IQCH: variants seen among roughly 807,000 people sequenced by gnomAD.
IQCH encodes the protein IQ motif containing H, also known as IQ domain-containing protein H.
IQCH carries 98 observed loss-of-function variants against 117.0 expected under a neutral mutation model. The observed-to-expected ratio is 0.84, with a 90% CI of 0.71 to 0.99. The LOEUF (loss-of-function observed/expected upper bound fraction) is 0.99, where lower values mean the gene tolerates loss of function less well. Among genes scored for constraint, IQCH ranks in the 50% least tolerant of loss-of-function variants. The pLI is 0.00. For synonymous variants in IQCH, 412 were observed against 448.2 expected (o/e 0.92, Z 1.02); for missense variants, 1,102 against 1,243.8 (o/e 0.89, Z 1.72).
chr15:67,302,413 A>T (rs1251066191), intron 4 of IQCH, among the ~76,000 whole-genome samples: 2 of 152,198 alleles, frequency 1.3e-5, no homozygotes, highest in Non-Finnish European at 2.9e-5. Flanking sequence ...TACCCACAGA[A>T]GAAAAGCCAT....
chr15:67,256,377 C>T (rs1244794187), intron 1 of IQCH, among the ~76,000 whole-genome samples: 1 of 152,186 alleles, frequency 6.6e-6, no homozygotes, highest in Admixed American at 6.5e-5. Context: ...CAATCTCACA[C>T]TGCCCTTGTG....
At chr15:67,340,776 T>G (rs2140672856) in intron 5 of IQCH, among the ~76,000 whole-genome samples, 1 of 152,358 alleles carries the variant, frequency 6.6e-6, no homozygotes, top group East Asian at 1.9e-4. Context: ...CTTTATGATC[T>G]AATTTATTAA....
At chr15:67,435,790 T>C (rs2082123260) in intron 16 of IQCH, among the ~76,000 whole-genome samples, 1 of 151,846 alleles carries the variant, frequency 6.6e-6, no homozygotes, top group Admixed American at 6.6e-5. Flanking sequence ...GAGAATCTCT[T>C]GAACCCAGGA....
rs1267398592 is a variant in IQCH, at chr15:67,466,910, C to T, written c.2676+1613C>T. On this transcript the variant is annotated intron_variant, in intron 17 of 20. Coordinates refer to ENST00000335894, the MANE Select transcript of IQCH (RefSeq NM_001031715.3). The surrounding 1 kb of genome is among the most constrained non-coding windows in gnomAD (Gnocchi z 4.4). ...ACTTGAGCCCTTCTGGCCAGTGAAC[C>T]TAAGTCTATGCCATTTCTGCAAGAA... The T allele has an allele frequency of 2.1e-4, 32 of 152,536 alleles. No individual in the cohort carries two copies. Among genetic ancestry groups the T allele is most frequent in the Admixed American group, 2.0e-3 (30 of 15,286 alleles). 9.4% of individuals were successfully genotyped at this position (152,536 alleles called of 1,614,324 possible).
intron 2 of IQCH, among the ~76,000 whole-genome samples, chr15:67,262,594 G>T (rs1221299716): frequency 6.6e-6 from 1 of 152,066 alleles, no homozygotes; most frequent in Non-Finnish European, 1.5e-5. Context: ...GTAAAAAAAA[G>T]ACATTACTCA....
chr15:67,311,278 A>G (rs1384626768), intron 4 of IQCH, among the ~76,000 whole-genome samples: 1 of 151,986 alleles, frequency 6.6e-6, no homozygotes, highest in African/African-American at 2.4e-5. Flanking sequence ...AATTTCTACT[A>G]TTTTAAAGTT....
In IQCH at chr15:67,387,331, T is replaced by C. The variant is rs997402243; in HGVS notation, c.1457-1500T>C. Among the ~76,000 whole-genome samples, 1 of 152,178 alleles carries C rather than the reference T, an allele frequency of 6.6e-6. No homozygotes were observed. The highest frequency in any genetic ancestry group is 1.5e-5 in the Non-Finnish European group (1 of 68,024). On this transcript the variant is annotated intron_variant, in intron 11 of 20. Transcript: ENST00000335894. The surrounding 1 kb of genome is among the most constrained non-coding windows in gnomAD (Gnocchi z 4.8). ...CTCTAGAGAGATTTCTCTATGTATG[T>C]ATGCCCTGCGTCTAGGTGTAAAAGA...
rs1490810636 is a variant in IQCH at position 67,436,859 on chromosome 15, G to A, written c.2505+15282G>A. Among the ~76,000 whole-genome samples, 1 of 152,038 alleles carries A rather than the reference G, an allele frequency of 6.6e-6. No homozygotes were observed. Among genetic ancestry groups the A allele is most frequent in the Non-Finnish European group, 1.5e-5 (1 of 68,006 alleles). ...CTAGGTACACAACTCCAGTGACCTG[G>A]GAACCTCACCCTCATCCCCCACAAC... On this transcript the variant is annotated intron_variant, in intron 16 of 20. Coordinates refer to ENST00000335894, the MANE Select transcript of IQCH (RefSeq NM_001031715.3). This position sits in a 1 kb window ranked among gnomAD's most constrained non-coding sequence, Gnocchi z 5.1.
Position 67,443,239 on chromosome 15 carries a change from G to T in IQCH, c.2505+21662G>T, listed in dbSNP as rs952233444. On this transcript the variant is annotated intron_variant, in intron 16 of 20. Transcript: ENST00000335894. The surrounding 1 kb of genome is among the most constrained non-coding windows in gnomAD (Gnocchi z 5.0). ...GATCTCCTGAACTCGTCATCCACCC[G>T]CCTCGGCCTCCCAAAGTGCTGGGAT... is the stretch of plus-strand genomic sequence containing the variant. Among the ~76,000 whole-genome samples, 1 of 152,258 alleles carries T rather than the reference G, an allele frequency of 6.6e-6. No homozygotes were observed. The highest frequency in any genetic ancestry group is 2.1e-4 in the South Asian group (1 of 4,822).
chr15:67,372,503 C>G lies in IQCH; in HGVS notation c.1146C>G (p.Cys382Trp). The G allele has an allele frequency of 1.2e-6, 2 of 1,614,034 alleles. No individual in the cohort carries two copies. Among genetic ancestry groups the G allele is most frequent in the Middle Eastern group, 1.6e-4 (1 of 6,062 alleles). Residue 382 changes from cysteine (C) to tryptophan (W), a missense_variant, in exon 9 of 21, where the codon TGC becomes TGG. Cys to Trp is a radical substitution (Grantham distance 215, BLOSUM62 -2). Transcript: ENST00000335894. Reference sequence around the variant, plus strand: ...TGAAGATCCAAGCCACATGGAAATGCTACAAAGCAAGAAAATTCTTCCTCT... The same window carrying G: ...TGAAGATCCAAGCCACATGGAAATGGTACAAAGCAAGAAAATTCTTCCTCT... ...AAMKIQATWK[C>W]YKARKFFLFY...
intron 3 of IQCH, among the ~76,000 whole-genome samples, chr15:67,271,115 C>T (rs1290991204): frequency 1.3e-5 from 2 of 152,104 alleles, no homozygotes; most frequent in East Asian, 3.9e-4. Context: ...ACTACAGGCA[C>T]ACACCACCGT....
Position 67,357,196 on chromosome 15 carries a change from G to C in IQCH, c.638-149G>C, listed in dbSNP as rs892436569. ...CCTTTTGAAGTCAGTGATCATAGCT[G>C]TTTCATTGAATGAATACAGAAAGAA... On this transcript the variant is annotated intron_variant, in intron 6 of 20. Transcript: ENST00000335894. 1.9e-5 allele frequency: 12 copies of C among 635,250 alleles called. No homozygotes were observed. In the Admixed American group the frequency reaches 2.6e-4, roughly 14 times the overall value. 39.4% of individuals were successfully genotyped at this position (635,250 alleles called of 1,614,324 possible).
chr15:67,495,340 A>G (rs1182074838), intron 20 of IQCH, among the ~76,000 whole-genome samples: 2 of 152,146 alleles, frequency 1.3e-5, no homozygotes, highest in Non-Finnish European at 2.9e-5. Context: ...GTCCTAAAGG[A>G]TCTATGCTCA....
intron 6 of IQCH, among the ~76,000 whole-genome samples, chr15:67,351,253 C>T (rs796076430): frequency 6.6e-6 from 1 of 152,040 alleles, no homozygotes; most frequent in Non-Finnish European, 1.5e-5. Context: ...CCCCCACCCC[C>T]CAACAGTCCC....
At chr15:67,363,784 C>T (rs549351002) in intron 8 of IQCH, among the ~76,000 whole-genome samples, 1 of 152,218 alleles carries the variant, frequency 6.6e-6, no homozygotes, top group East Asian at 1.9e-4. Flanking sequence ...TTAGCTCCTA[C>T]TTATAAGTGA....
At position 67,395,724 on chromosome 15, in the gene IQCH, TTATTTA is replaced by T. The variant is rs1333784208; in HGVS notation, c.1905+163_1905+168del. On this transcript the variant is annotated intron_variant, in intron 13 of 20. Coordinates refer to ENST00000335894, the MANE Select transcript of IQCH (RefSeq NM_001031715.3). The surrounding 1 kb of genome is among the most constrained non-coding windows in gnomAD (Gnocchi z 4.0). ...CTACTTTATTTATTTATTTATTTAT[TTATTTA>T]TTTATTTTTGAGATGGAGTCTCACT... is the stretch of plus-strand genomic sequence containing the variant. Among the ~76,000 whole-genome samples the T allele has an allele frequency of 1.3e-5, 2 of 151,342 alleles. No homozygotes were observed. Among genetic ancestry groups the T allele is most frequent in the African/African-American group, 4.9e-5 (2 of 41,160 alleles).
At chr15:67,377,574 C>G (rs1274103766) in intron 10 of IQCH, among the ~76,000 whole-genome samples, 1 of 152,186 alleles carries the variant, frequency 6.6e-6, no homozygotes, top group Non-Finnish European at 1.5e-5. Flanking sequence ...TAATTTAACC[C>G]CTGTGCTTCT....
At chr15:67,379,506 T>C (rs2140813092) in intron 10 of IQCH, among the ~76,000 whole-genome samples, 1 of 152,324 alleles carries the variant, frequency 6.6e-6, no homozygotes, top group South Asian at 2.1e-4. Context: ...GGTTCCCAGA[T>C]CACAATTTGA....
chr15:67,474,693 G>A lies in IQCH; in HGVS notation c.2677-1003G>A, dbSNP rs1466855671. Among the ~76,000 whole-genome samples the A allele has an allele frequency of 6.6e-6, 1 of 152,210 alleles. No homozygotes were observed. The highest frequency in any genetic ancestry group is 1.5e-5 in the Non-Finnish European group (1 of 68,036). On this transcript the variant is annotated intron_variant, in intron 17 of 20. Coordinates refer to ENST00000335894, the MANE Select transcript of IQCH (RefSeq NM_001031715.3). The surrounding 1 kb of genome is among the most constrained non-coding windows in gnomAD (Gnocchi z 4.1). The stretch of plus-strand genomic sequence containing the variant: ...TTTCTAATGTTGGCCACCTCAAGGA[G>A]GTGGTCCATGCCCAGTGACTTGCTG...
Sources: gnomAD v4.1 joint callset for allele counts (sites outside exome capture counted in the v4.1 genomes callset) on GRCh38, gnomAD v4.1.1 for gene constraint, Gnocchi (gnomAD v3.1) non-coding constraint, MANE v1.5 for transcripts, NCBI Gene and HGNC (gene_info 2026-07-23, HGNC 2026-07-21) for gene names.